The following CNTN4 variants were observed in gnomAD, a reference collection of about 807,000 sequenced individuals.
CNTN4 encodes contactin-4.
In CNTN4, 77 loss-of-function variants were observed where a neutral mutation model predicts 122.5. That is an observed-to-expected ratio of 0.63 (90% CI 0.52 to 0.76). The LOEUF is 0.76. CNTN4 is among the 30% of genes least tolerant of loss of function. The pLI is 0.00. For missense variants in CNTN4, 1,256 were observed against 1,259.1 expected, an observed-to-expected ratio of 1.00 and a Z score of 0.04; for synonymous variants, 512 against 447.0, an observed-to-expected ratio of 1.15 and a Z score of -1.83.
chr3:2,554,137 T>C (rs561711377), intron 3 of CNTN4, among the ~76,000 whole-genome samples: 2 of 152,344 alleles, frequency 1.3e-5, no homozygotes, highest in South Asian at 2.1e-4. Context: ...TATTTTAGGA[T>C]ACCAGTATGT....
intron 2 of CNTN4, among the ~76,000 whole-genome samples, chr3:2,135,726 C>T (rs1327752831): frequency 6.6e-6 from 1 of 152,116 alleles, no homozygotes; most frequent in Non-Finnish European, 1.5e-5. Flanking sequence ...CTCTCATTGT[C>T]TTCACAAGTG....
At chr3:2,752,991 T>C (rs1308363859) in intron 6 of CNTN4, among the ~76,000 whole-genome samples, 3 of 152,236 alleles carry the variant, frequency 2.0e-5, no homozygotes, top group Admixed American at 6.5e-5. Context: ...ATTATGTATG[T>C]ATACTTCATT....
chr3:2,893,927 G>A (rs1333723048), intron 10 of CNTN4, among the ~76,000 whole-genome samples: 1 of 152,024 alleles, frequency 6.6e-6, no homozygotes, highest in African/African-American at 2.4e-5. Flanking sequence ...AAGAGCCTTT[G>A]TTTATGTGAG....
intron 4 of CNTN4, among the ~76,000 whole-genome samples, chr3:2,733,531 TG>T (rs369379129): frequency 3.5e-4 from 46 of 130,994 alleles, no homozygotes; most frequent in Non-Finnish European, 5.5e-4. Flanking sequence ...TGCATGTTTG[TG>T]TTTTTTTTTT....
rs79797419 is a variant in CNTN4 at position 2,472,343 on chromosome 3, C to T, written c.-88-99073C>T. 9.5e-3 allele frequency among the ~76,000 whole-genome samples: 1,451 copies of T among 152,126 alleles called. 23 individuals are homozygous for T. The highest frequency in any genetic ancestry group is 0.033 in the African/African-American group (1,362 of 41,500). ...GCAACTTCCACCTCCCGGGTTCAAGCGATTGTCCTCCTTCAGCTTCCCGAG... is the reference window on the plus strand; with the variant it reads ...GCAACTTCCACCTCCCGGGTTCAAGTGATTGTCCTCCTTCAGCTTCCCGAG... On this transcript the variant is annotated intron_variant, in intron 3 of 24. Transcript: ENST00000418658.
At chr3:2,382,393 G>A (rs1027551551) in intron 3 of CNTN4, among the ~76,000 whole-genome samples, 27 of 151,978 alleles carry the variant, frequency 1.8e-4, no homozygotes, top group Non-Finnish European at 3.4e-4. Context: ...CTGACCTCAT[G>A]ATCCACCCGC....
At chr3:2,436,693 C>T (rs1167184086) in intron 3 of CNTN4, among the ~76,000 whole-genome samples, 2 of 151,742 alleles carry the variant, frequency 1.3e-5, no homozygotes, top group African/African-American at 4.8e-5. Context: ...ATTCTCACTA[C>T]AGTTTTTAAT....
intron 3 of CNTN4, among the ~76,000 whole-genome samples, chr3:2,361,037 C>G (rs761833791): frequency 2.6e-5 from 4 of 152,038 alleles, no homozygotes; most frequent in Non-Finnish European, 4.4e-5. Flanking sequence ...TGTATTGTTG[C>G]TTTTCTTAAG....
chr3:2,747,326 G>C (rs563066444), intron 6 of CNTN4, among the ~76,000 whole-genome samples: 1 of 151,450 alleles, frequency 6.6e-6, no homozygotes, highest in African/African-American at 2.4e-5. Flanking sequence ...GGAGAATGGC[G>C]GGAACCCGGG....
chr3:2,130,649 T>C (rs2034407333), intron 2 of CNTN4, among the ~76,000 whole-genome samples: 4 of 152,212 alleles, frequency 2.6e-5, no homozygotes, highest in Admixed American at 1.3e-4. Context: ...AAACTGGCTC[T>C]AGTGTAATTT....
At chr3:2,354,121 T>G (rs1434883523) in intron 3 of CNTN4, among the ~76,000 whole-genome samples, 3 of 152,244 alleles carry the variant, frequency 2.0e-5, no homozygotes, top group African/African-American at 7.2e-5. Context: ...AGTGGTTACA[T>G]AAGCTTCCCA....
At chr3:2,590,823 T>C (rs2080434878) in intron 4 of CNTN4, among the ~76,000 whole-genome samples, 1 of 152,102 alleles carries the variant, frequency 6.6e-6, no homozygotes, top group African/African-American at 2.4e-5. Context: ...AGAAAAACTT[T>C]TCCTGATAAA....
intron 13 of CNTN4, among the ~76,000 whole-genome samples, chr3:2,958,774 A>G (rs950363295): frequency 1.2e-4 from 18 of 152,198 alleles, no homozygotes; most frequent in Non-Finnish European, 2.4e-4. Flanking sequence ...TAAGCAGTAC[A>G]TTTGTAGAAA....
At chr3:2,493,290 G>A (rs906812831) in intron 3 of CNTN4, among the ~76,000 whole-genome samples, 2 of 151,926 alleles carry the variant, frequency 1.3e-5, no homozygotes, top group Non-Finnish European at 2.9e-5. Flanking sequence ...TACTCTTGCA[G>A]AATCTAAACT....
chr3:2,448,797 TAACTG>T (rs1329653626), intron 3 of CNTN4, among the ~76,000 whole-genome samples: 1 of 152,192 alleles, frequency 6.6e-6, no homozygotes, highest in Non-Finnish European at 1.5e-5. Flanking sequence ...CCTCACCTGT[TAACTG>T]AGAGTGAGCA....
At chr3:2,627,659 A>C (rs186572574) in intron 4 of CNTN4, among the ~76,000 whole-genome samples, 13 of 151,806 alleles carry the variant, frequency 8.6e-5, no homozygotes, top group East Asian at 1.9e-4. Context: ...ACGCCTGGCT[A>C]ATTTTTTGTA....
chr3:2,273,125 G>T (rs868044684), intron 2 of CNTN4, among the ~76,000 whole-genome samples: 1 of 152,180 alleles, frequency 6.6e-6, no homozygotes, highest in Admixed American at 6.5e-5. Context: ...ACCAGATTTT[G>T]TGATGCCATC....
chr3:2,586,359 A>G (rs996198209), intron 4 of CNTN4, among the ~76,000 whole-genome samples: 4 of 152,118 alleles, frequency 2.6e-5, no homozygotes, highest in Admixed American at 6.5e-5. Flanking sequence ...ATGGCACAAT[A>G]TCGGCTCACT....
At chr3:3,022,960 TAGCTGA>T (rs1344510251) in intron 14 of CNTN4, among the ~76,000 whole-genome samples, 5 of 152,132 alleles carry the variant, frequency 3.3e-5, no homozygotes, top group Non-Finnish European at 7.4e-5. Context: ...CACGGAACAA[TAGCTGA>T]AGTGACTCTT....
Sources: gnomAD v4.1 joint callset for allele counts (sites outside exome capture counted in the v4.1 genomes callset) on GRCh38, gnomAD v4.1.1 for gene constraint, MANE v1.5 for transcripts, NCBI Gene and HGNC (gene_info 2026-07-23, HGNC 2026-07-21) for gene names.